FAM161A: variants seen among roughly 807,000 people sequenced by gnomAD.
FAM161A encodes the protein protein FAM161A.
FAM161A carries 57 observed loss-of-function variants against 70.9 expected under a neutral mutation model. The observed-to-expected ratio is 0.80, with a 90% CI of 0.65 to 1.00. The LOEUF (loss-of-function observed/expected upper bound fraction) is 1.00. Among genes scored for constraint, FAM161A ranks in the 50% least tolerant of loss-of-function variants. The pLI is 0.00. For missense variants in FAM161A, 880 were observed against 836.0 expected, an observed-to-expected ratio of 1.05 and a Z score of -0.65; for synonymous variants, 299 against 295.7, an observed-to-expected ratio of 1.01 and a Z score of -0.12.
At chr2:61,830,811 T>C (rs528095463) in intron 5 of FAM161A, among the ~76,000 whole-genome samples, 17 of 152,078 alleles carry the variant, frequency 1.1e-4, no homozygotes, top group African/African-American at 4.1e-4. Flanking sequence ...CTAATTTTTC[T>C]AATATAAAGA....
intron 5 of FAM161A, among the ~76,000 whole-genome samples, chr2:61,834,271 T>C (rs1470596632): frequency 6.6e-6 from 1 of 152,060 alleles, no homozygotes; most frequent in Non-Finnish European, 1.5e-5. Flanking sequence ...AAACATCATA[T>C]GTTCTCACTT....
the FAM161A span, among the ~76,000 whole-genome samples, chr2:61,808,274 A>ATT: frequency 2.1e-5 from 3 of 142,038 alleles, no homozygotes; most frequent in Admixed American, 7.0e-5. Flanking sequence ...TATTATTATT[A>ATT]TTTTTTTTTT....
At chr2:61,817,500 C>T in the FAM161A span, among the ~76,000 whole-genome samples, 2 of 152,198 alleles carry the variant, frequency 1.3e-5, no homozygotes, top group Admixed American at 1.3e-4. Flanking sequence ...TTTACATTCA[C>T]TGTAATGAAA....
At chr2:61,851,318 G>A (rs971871335) in intron 1 of FAM161A, among the ~76,000 whole-genome samples, 4 of 152,038 alleles carry the variant, frequency 2.6e-5, no homozygotes. Context: ...CATTAGGAGT[G>A]AGATTTTATT....
chr2:61,850,024 A>G (rs921779091), intron 1 of FAM161A, among the ~76,000 whole-genome samples: 1 of 152,086 alleles, frequency 6.6e-6, no homozygotes, highest in Non-Finnish European at 1.5e-5. Flanking sequence ...TCTATTGGGT[A>G]CCATGCTCAC....
At chr2:61,822,665 C>T (rs1198730498), downstream of FAM161A, among the ~76,000 whole-genome samples, 1 of 152,158 alleles carries the variant, frequency 6.6e-6, no homozygotes, top group Non-Finnish European at 1.5e-5. Context: ...CGGCTCACTG[C>T]AACCTCCACC....
chr2:61,819,459 T>C, the FAM161A span, among the ~76,000 whole-genome samples: 4 of 152,208 alleles, frequency 2.6e-5, no homozygotes, highest in South Asian at 8.3e-4. Flanking sequence ...TGAGACTCTG[T>C]CTCAAAACAA....
At chr2:61,843,866 G>A (rs971897012) in intron 1 of FAM161A, among the ~76,000 whole-genome samples, 29 of 152,070 alleles carry the variant, frequency 1.9e-4, no homozygotes, top group South Asian at 2.1e-4. Context: ...TTCAGAGGCC[G>A]GGCACGGTGG....
downstream of FAM161A, among the ~76,000 whole-genome samples, chr2:61,823,695 G>C (rs1276362032): frequency 6.6e-6 from 1 of 151,954 alleles, no homozygotes; most frequent in African/African-American, 2.4e-5. Flanking sequence ...ACATATATAC[G>C]TGTGTGTTTG....
At chr2:61,815,589 C>A in the FAM161A span, among the ~76,000 whole-genome samples, 2 of 119,526 alleles carry the variant, frequency 1.7e-5, no homozygotes. Context: ...CTCGTTCTGT[C>A]ACCCAGGCTG....
the FAM161A span, among the ~76,000 whole-genome samples, chr2:61,810,037 T>G: frequency 6.6e-6 from 1 of 152,192 alleles, no homozygotes; most frequent in African/African-American, 2.4e-5. Context: ...AGCCACTGAG[T>G]AAGCCCAGGC....
the FAM161A span, among the ~76,000 whole-genome samples, chr2:61,810,653 T>C: frequency 1.3e-4 from 20 of 151,074 alleles, no homozygotes; most frequent in Non-Finnish European, 1.5e-4. Flanking sequence ...AAAGAGGGGG[T>C]TTCTCCATGT....
At chr2:61,838,389 C>T (rs181379371) in intron 4 of FAM161A, 149 bp downstream of exon 4, 55 of 650,544 alleles carry the variant, frequency 8.5e-5, no homozygotes, top group East Asian at 4.4e-4. Context: ...AGTGTGTGTG[C>T]ACTGAACACA....
chr2:61,835,858 A>G, intron 5 of FAM161A, 152 bp downstream of exon 5: 1 of 684,826 alleles, frequency 1.5e-6, no homozygotes, highest in East Asian at 2.6e-5. Context: ...AAAATTACTC[A>G]TTGGCTGATA....
the FAM161A span, among the ~76,000 whole-genome samples, chr2:61,800,733 A>T: frequency 6.6e-6 from 1 of 152,236 alleles, no homozygotes; most frequent in Non-Finnish European, 1.5e-5. Context: ...GAAAATGGCT[A>T]TTGGCAAGCA....
At chr2:61,806,558 G>C in the FAM161A span, among the ~76,000 whole-genome samples, 1,670 of 151,866 alleles carry the variant, frequency 0.011, 39 homozygotes, top group African/African-American at 0.038. Context: ...TTTTCACACA[G>C]ATGAAACTTT....
rs772828768 is a variant in FAM161A at position 61,839,774 on chromosome 2, C to G, written c.1230G>C (p.Arg410Ser). Residue 410 changes from arginine to serine, a missense_variant, in exon 3 of 7, where the codon AGG (arginine) becomes AGC (serine). By Grantham distance (110) the Arg-to-Ser change is moderately radical. Coordinates refer to ENST00000404929, the MANE Select transcript of FAM161A (RefSeq NM_001201543.2). ...CRSACGCRNP[R>S]CPEQAVKLKC... ...TCAACTTTACAGCCTGTTCAGGACA[C>G]CTGGGGTTCCTGCATCCACAAGCTG... 6 of 1,614,090 alleles carry G rather than the reference C, an allele frequency of 3.7e-6. No individual in the cohort carries two copies. Among genetic ancestry groups the G allele is most frequent in the Non-Finnish European group, 5.1e-6 (6 of 1,180,018 alleles).
chr2:61,808,130 T>C, the FAM161A span, among the ~76,000 whole-genome samples: 1 of 152,218 alleles, frequency 6.6e-6, no homozygotes, highest in African/African-American at 2.4e-5. Context: ...GGCCACCTGC[T>C]GTCTGCCAAT....
In FAM161A at chr2:61,839,523, C is replaced by T. The variant is rs769560785; in HGVS notation, c.1481G>A (p.Arg494Lys). 6.2e-7 allele frequency: 1 copy of T among 1,614,196 alleles called. No individual in the cohort carries two copies. Among genetic ancestry groups the T allele is most frequent in the East Asian group, 2.2e-5 (1 of 44,892 alleles). ...KETRWPYLSP[R>K]RKSPVRCAGV... ...TGCACATCTTACTGGTGACTTACGC[C>T]TTGGAGACAAATAAGGCCAACGTGT... The change falls in exon 3 of 7, where the codon AGG becomes AAG. Residue 494 changes from arginine to lysine, a missense_variant. By Grantham distance (26) the Arg-to-Lys change is conservative. Transcript: ENST00000404929.
Sources: gnomAD v4.1 joint callset for allele counts (sites outside exome capture counted in the v4.1 genomes callset) on GRCh38, gnomAD v4.1.1 for gene constraint, MANE v1.5 for transcripts, NCBI Gene and HGNC (gene_info 2026-07-23, HGNC 2026-07-21) for gene names.